LIME1: variants seen among roughly 807,000 people sequenced by gnomAD.
The protein encoded by LIME1 is lck-interacting transmembrane adapter 1.
LIME1 carries 23 observed loss-of-function variants against 18.8 expected under a neutral mutation model. The observed-to-expected ratio is 1.22, with a 90% CI of 0.88 to 1.73. The LOEUF (loss-of-function observed/expected upper bound fraction) is 1.73, where lower values mean the gene tolerates loss of function less well. Ranked by LOEUF, LIME1 falls within the 40% of genes most tolerant of loss-of-function variation. The pLI is 0.00. For missense variants in LIME1, 423 were observed against 396.8 expected (o/e 1.07, Z -0.56); for synonymous variants, 177 against 182.3 (o/e 0.97, Z 0.23).
intron 4 of LIME1, 47 bp downstream of exon 4, chr20:63,738,107 A>G: frequency 6.6e-7 from 1 of 1,523,494 alleles, no homozygotes; most frequent in Middle Eastern, 2.1e-4. Flanking sequence ...CTTACTGTGC[A>G]GCGCGTGCCA....
chr20:63,737,374 G>A (rs1453168256), intron 1 of LIME1, 159 bp from the exon 2 acceptor site: 3 of 1,342,794 alleles, frequency 2.2e-6, no homozygotes, highest in Non-Finnish European at 2.9e-6. Flanking sequence ...GGCACCTCTG[G>A]GAGGGAGGGA....
Position 63,738,626 on chromosome 20 carries a change from A to T in LIME1, c.614A>T (p.Lys205Met). The T allele has an allele frequency of 1.3e-6, 2 of 1,584,040 alleles. No homozygotes were observed. Among genetic ancestry groups the T allele is most frequent in the Non-Finnish European group, 1.7e-6 (2 of 1,165,120 alleles). Reference sequence around the variant, plus strand: ...GACGTCCTGTACTCCAGGGTCTGCAAGCCTAAAAGGAGGGACCCAGGACCC... The same window carrying T: ...GACGTCCTGTACTCCAGGGTCTGCATGCCTAAAAGGAGGGACCCAGGACCC... Reference protein sequence around the residue: ...QVDVLYSRVCKPKRRDPGPTT... With the variant: ...QVDVLYSRVCMPKRRDPGPTT... Residue 205 changes from lysine to methionine, a missense_variant, in exon 6 of 6, where the codon AAG becomes ATG. Transcript: ENST00000309546.
chr20:63,737,794 C>T (rs1386137153), intron 2 of LIME1, 27 bp from the exon 3 acceptor site: 3 of 1,285,574 alleles, frequency 2.3e-6, no homozygotes, highest in Middle Eastern at 2.7e-4. Flanking sequence ...ACGACCCCGC[C>T]CCCCGCCCCC....
At position 63,738,181 on chromosome 20, in the gene LIME1, A is replaced by G. The variant is rs774590554; in HGVS notation, c.269-2A>G. Reference sequence around the variant, plus strand: ...TGAACTCTGCCCTGACCCCACCCCCAGCCCTGCGGCCTGCCAGCATGGATC... The same window carrying G: ...TGAACTCTGCCCTGACCCCACCCCCGGCCCTGCGGCCTGCCAGCATGGATC... On this transcript the variant is annotated splice_acceptor_variant, in intron 4 of 5. Coordinates refer to ENST00000309546, the MANE Select transcript of LIME1 (RefSeq NM_017806.4). LOFTEE classifies it high-confidence loss of function. The G allele has an allele frequency of 1.3e-6, 2 of 1,565,912 alleles. No individual in the cohort carries two copies. Among genetic ancestry groups the G allele is most frequent in the South Asian group, 2.3e-5 (2 of 85,940 alleles).
chr20:63,738,137 T>TCCTGCCC, intron 4 of LIME1, 46 bp from the exon 5 acceptor site: 1 of 1,530,642 alleles, frequency 6.5e-7, no homozygotes, highest in African/African-American at 1.4e-5. Flanking sequence ...CCAGACCCGC[T>TCCTGCCC]CCTGCCCCCT....
intron 2 of LIME1, 34 bp from the exon 3 acceptor site, chr20:63,737,787 A>AGC: frequency 5.3e-6 from 7 of 1,322,748 alleles, no homozygotes; most frequent in Non-Finnish European, 7.0e-6. Context: ...GAGGCTGACG[A>AGC]CCCCGCCCCC....
rs776178771 is a variant in LIME1 at position 63,737,549 on chromosome 20, G to A, written c.-1G>A. 4 of 1,572,046 alleles carry A rather than the reference G, an allele frequency of 2.5e-6. No homozygotes were observed. The highest frequency in any genetic ancestry group is 3.4e-6 in the Non-Finnish European group (4 of 1,162,560). Reference sequence around the variant, plus strand: ...TGTCCCCAGGGCCTCGGCTTCACAGGATGGGGCTGCCAGTGTCCTGGGCCC... The same window carrying A: ...TGTCCCCAGGGCCTCGGCTTCACAGAATGGGGCTGCCAGTGTCCTGGGCCC... On this transcript the variant is annotated 5_prime_UTR_variant, in exon 2 of 6. Coordinates refer to ENST00000309546, the MANE Select transcript of LIME1 (RefSeq NM_017806.4).
chr20:63,737,589 G>A lies in LIME1; in HGVS notation c.40G>A (p.Val14Ile). The change falls in exon 2 of 6, where the codon GTT becomes ATT. Residue 14 changes from valine to isoleucine, a missense_variant. Physicochemically the swap from Val to Ile is conservative, Grantham distance 29. Coordinates refer to ENST00000309546, the MANE Select transcript of LIME1 (RefSeq NM_017806.4). ...GTCCTGGGCCCCTCCTGCCCTCTGGGTTCTAGGGTGCTGCGCCCTGCTCCT... is the reference window on the plus strand; with the variant it reads ...GTCCTGGGCCCCTCCTGCCCTCTGGATTCTAGGGTGCTGCGCCCTGCTCCT... ...PVSWAPPALW[V>I]LGCCALLLSL... 1 of 1,604,544 alleles carries A rather than the reference G, an allele frequency of 6.2e-7. No homozygotes were observed. Among genetic ancestry groups the A allele is most frequent in the Non-Finnish European group, 8.5e-7 (1 of 1,176,936 alleles).
upstream of LIME1, chr20:63,735,823 A>G: frequency 6.2e-7 from 1 of 1,611,790 alleles, no homozygotes; most frequent in Non-Finnish European, 8.5e-7. Context: ...AGCTGGCAGG[A>G]GCCCAGCGCC....
chr20:63,737,173 T>G, intron 1 of LIME1: 1 of 1,026,008 alleles, frequency 9.7e-7, no homozygotes, highest in Non-Finnish European at 1.2e-6. Flanking sequence ...TGGCTGCAGG[T>G]GGAGTCTGTG....
chr20:63,737,663 G>A lies in LIME1; in HGVS notation c.98+16G>A. ...CCTGCCGCAGGTAGGTCCCTCAGCC[G>A]CGTTCTGTCTGGGGCCTCGCTGCGG... On this transcript the variant is annotated intron_variant, in intron 2 of 5. Coordinates refer to ENST00000309546, the MANE Select transcript of LIME1 (RefSeq NM_017806.4). 6.4e-7 allele frequency: 1 copy of A among 1,561,908 alleles called. No individual in the cohort carries two copies. Among genetic ancestry groups the A allele is most frequent in the South Asian group, 1.2e-5 (1 of 84,818 alleles).
rs2092006446 is a variant in LIME1, at chr20:63,737,659, A to T, written c.98+12A>T. The T allele has an allele frequency of 6.4e-7, 1 of 1,566,980 alleles. No individual in the cohort carries two copies. The highest frequency in any genetic ancestry group is 1.2e-5 in the South Asian group (1 of 85,364). On this transcript the variant is annotated intron_variant, in intron 2 of 5. Transcript: ENST00000309546. ...ACAGCCTGCCGCAGGTAGGTCCCTC[A>T]GCCGCGTTCTGTCTGGGGCCTCGCT...
At chr20:63,737,941 G>A (rs759925618) in intron 3 of LIME1, 32 bp from the exon 4 acceptor site, 1 of 1,573,928 alleles carries the variant, frequency 6.4e-7, no homozygotes, top group South Asian at 1.1e-5. Flanking sequence ...GGTGGGGTCC[G>A]CAGGGCACCG....
intron 1 of LIME1, chr20:63,737,161 G>A (rs949782989): frequency 3.9e-6 from 4 of 1,015,626 alleles, no homozygotes; most frequent in Non-Finnish European, 4.7e-6. Flanking sequence ...CTGGGCAGAG[G>A]GTGGCTGCAG....
At chr20:63,737,752 C>T (rs1323007084) in intron 2 of LIME1, 69 bp from the exon 3 acceptor site, 9 of 1,407,848 alleles carry the variant, frequency 6.4e-6, no homozygotes, top group African/African-American at 1.5e-5. Context: ...GCTCGGCACG[C>T]GCGCCTGCAC....
At chr20:63,735,802 G>A (rs1215051354), upstream of LIME1, 1 of 1,609,638 alleles carries the variant, frequency 6.2e-7, no homozygotes, top group Non-Finnish European at 8.5e-7. Context: ...CGTCAGCCCA[G>A]CTGCAGGAGA....
chr20:63,738,036 C>T lies in LIME1; in HGVS notation c.244C>T (p.His82Tyr), dbSNP rs1410894274. Residue 82 changes from histidine to tyrosine, a missense_variant, in exon 4 of 6, where the codon CAC becomes TAC. Coordinates refer to ENST00000309546, the MANE Select transcript of LIME1 (RefSeq NM_017806.4). ...GTCGGACACCAGACTGCACGAGCTG[C>T]ACCGGGGCCCGCGCAGCAGCAGGGG... is the stretch of plus-strand genomic sequence containing the variant. ...SKSDTRLHEL[H>Y]RGPRSSRALR... is the part of the protein sequence containing the mutation. 4.2e-5 allele frequency: 64 copies of T among 1,516,530 alleles called. No homozygotes were observed. The highest frequency in any genetic ancestry group is 5.7e-5 in the Non-Finnish European group (64 of 1,124,552). 93.9% of individuals were successfully genotyped at this position (1,516,530 alleles called of 1,614,324 possible).
chr20:63,738,310 T>A lies in LIME1; in HGVS notation c.396T>A (p.Ala132=), dbSNP rs768880761. Residue 132 remains alanine (A), a synonymous_variant, in exon 5 of 6, where the codon GCT becomes GCA. Transcript: ENST00000309546. ...HQELPRALPA[A]AATAGCAGLE... ...AGCTGCCCCGGGCTCTGCCGGCAGC[T>A]GCAGCCACCGCAGGGTGCGCTGGCC... 3 of 1,564,368 alleles carry A rather than the reference T, an allele frequency of 1.9e-6. No homozygotes were observed. In the South Asian group the frequency reaches 3.5e-5, roughly 18 times the overall value.
intron 1 of LIME1, 148 bp from the exon 2 acceptor site, chr20:63,737,378 GGAGGGAC>G: frequency 1.5e-6 from 2 of 1,342,848 alleles, no homozygotes; most frequent in Admixed American, 3.7e-5. Flanking sequence ...CCTCTGGGAG[GGAGGGAC>G]TGCCAGGCCT....
Sources: allele counts gnomAD v4.1 joint callset, GRCh38; gene constraint gnomAD v4.1.1; transcripts MANE v1.5; gene names NCBI Gene and HGNC (gene_info 2026-07-23, HGNC 2026-07-21).